NBDY: variants seen among roughly 807,000 people sequenced by gnomAD.
NBDY encodes negative regulator of P-body association, also known as P-body dissociating protein.
chrX:56,758,336 A>G (rs2069621763), intron 2 of NBDY, among the ~76,000 whole-genome samples: 1 of 109,515 alleles, frequency 9.1e-6, no homozygotes, highest in Non-Finnish European at 1.9e-5. Context: ...AAAAAAAAGA[A>G]AGAAAAAAAG....
intron 1 of NBDY, among the ~76,000 whole-genome samples, chrX:56,731,459 T>A (rs1255656878): frequency 9.4e-6 from 1 of 106,252 alleles, no homozygotes; most frequent in Non-Finnish European, 1.9e-5. Context: ...TAATCCCAGC[T>A]ACTCGGGACG....
At chrX:56,792,587 G>A (rs930352413) in intron 2 of NBDY, among the ~76,000 whole-genome samples, 4 of 110,233 alleles carry the variant, frequency 3.6e-5, no homozygotes, top group South Asian at 3.9e-4. Flanking sequence ...TGTCAAATAC[G>A]CCCAAGCAGA....
At chrX:56,737,262 C>G (rs1318971150) in intron 2 of NBDY, 2 of 1,054,982 alleles carry the variant, frequency 1.9e-6, no homozygotes, top group African/African-American at 3.7e-5. Context: ...GCCCATTCTT[C>G]TCTTTCTTTT....
At chrX:56,813,387 C>G (rs1458360151) in intron 2 of NBDY, among the ~76,000 whole-genome samples, 1 of 110,846 alleles carries the variant, frequency 9.0e-6, no homozygotes. Flanking sequence ...CAACAGCGAT[C>G]CACATTTCAG....
chrX:56,817,957 T>G lies in NBDY; in HGVS notation c.*804T>G, dbSNP rs1188798837. 9.0e-6 allele frequency: 1 copy of G among 111,408 alleles called. No homozygotes were observed. Among genetic ancestry groups the G allele is most frequent in the African/African-American group, 3.3e-5 (1 of 30,733 alleles). The allele number at this position is 111,408 out of a possible 1,213,427, so 9.2% of individuals were successfully genotyped here. A position where few individuals can be genotyped will look rare whatever the true frequency, so the allele number is the denominator to read the frequency against. On this transcript the variant is annotated 3_prime_UTR_variant, in exon 3 of 3. Transcript: ENST00000374922. ...TCTAAAATGCTTAGTATTGAACAAA[T>G]AGAATATCCTAATTAAAAACAGTAA...
intron 2 of NBDY, among the ~76,000 whole-genome samples, chrX:56,733,638 T>C (rs1425563863): frequency 1.8e-5 from 2 of 111,774 alleles, no homozygotes; most frequent in East Asian, 2.8e-4. Flanking sequence ...TGTAAAGTTA[T>C]AGGGCATCGC....
chrX:56,739,130 A>AG (rs1255038164), intron 2 of NBDY, among the ~76,000 whole-genome samples: 2 of 103,002 alleles, frequency 1.9e-5, no homozygotes, highest in Admixed American at 1.1e-4. Flanking sequence ...TGCCTTTGGG[A>AG]GAAAAAAAAA....
Position 56,790,900 on chromosome X carries a change from G to A in NBDY, c.*167-26420G>A, listed in dbSNP as rs1293092507. ...CCCAATATTTGCTGGCAGATCGTGCGGATGGGGTTGGGGTGGGCGCAGTGG... is the reference window on the plus strand; with the variant it reads ...CCCAATATTTGCTGGCAGATCGTGCAGATGGGGTTGGGGTGGGCGCAGTGG... On this transcript the variant is annotated intron_variant, in intron 2 of 2. Transcript: ENST00000374922. 2.9e-4 allele frequency among the ~76,000 whole-genome samples: 33 copies of A among 112,325 alleles called. No individual in the cohort carries two copies. The Admixed American group carries it at 3.0e-3, about 10-fold the overall frequency.
In NBDY at chrX:56,805,700, G is replaced by A. The variant is rs191396491; in HGVS notation, c.*167-11620G>A. ...CTTGGCTGATGGCTCTTCCTCCTCT[G>A]TGAGGCCACAGGAGGCCACTTGGGC... On this transcript the variant is annotated intron_variant, in intron 2 of 2. Coordinates refer to ENST00000374922, the MANE Select transcript of NBDY (RefSeq NM_001348129.2). 1.4e-3 allele frequency among the ~76,000 whole-genome samples: 154 copies of A among 112,020 alleles called. 1 individual carries two copies. Among genetic ancestry groups the A allele is most frequent in the African/African-American group, 4.7e-3 (146 of 30,841 alleles).
At chrX:56,735,587 G>A (rs1423209344) in intron 2 of NBDY, among the ~76,000 whole-genome samples, 5 of 111,357 alleles carry the variant, frequency 4.5e-5, no homozygotes, top group African/African-American at 1.3e-4. Flanking sequence ...CCACCCACCC[G>A]GCTCCCTACA....
intron 2 of NBDY, among the ~76,000 whole-genome samples, chrX:56,791,099 C>T (rs936199234): frequency 1.8e-5 from 2 of 112,539 alleles, no homozygotes; most frequent in African/African-American, 6.5e-5. Context: ...AGTTTGCTCT[C>T]AACCTCATTG....
intron 2 of NBDY, among the ~76,000 whole-genome samples, chrX:56,757,890 G>T (rs1218344252): frequency 9.0e-6 from 1 of 111,257 alleles, no homozygotes; most frequent in Non-Finnish European, 1.9e-5. Flanking sequence ...GGGGAGGTGT[G>T]TGTGGGTATT....
chrX:56,809,048 T>C (rs1284183841), intron 2 of NBDY, among the ~76,000 whole-genome samples: 6 of 112,610 alleles, frequency 5.3e-5, no homozygotes, highest in Non-Finnish European at 9.4e-5. Flanking sequence ...GGCTGTTCAG[T>C]TTTCATGTAG....
chrX:56,760,000 A>G (rs138689774), intron 2 of NBDY, among the ~76,000 whole-genome samples: 12 of 112,621 alleles, frequency 1.1e-4, no homozygotes, highest in Middle Eastern at 4.6e-3. Context: ...CTCGACCATC[A>G]GTGCCCAGTG....
chrX:56,751,116 T>G (rs1187323293), intron 2 of NBDY, among the ~76,000 whole-genome samples: 1 of 110,554 alleles, frequency 9.0e-6, no homozygotes, highest in African/African-American at 3.3e-5. Flanking sequence ...CTACACCTCA[T>G]CCCAAACTCA....
intron 2 of NBDY, among the ~76,000 whole-genome samples, chrX:56,787,953 G>A (rs745771533): frequency 8.9e-6 from 1 of 112,917 alleles, no homozygotes; most frequent in East Asian, 2.8e-4. Context: ...GTATAAGACA[G>A]CCGAGTGGCC....
intron 2 of NBDY, among the ~76,000 whole-genome samples, chrX:56,790,917 G>A (rs140857435): frequency 1.5e-3 from 163 of 112,269 alleles, no homozygotes; most frequent in African/African-American, 4.9e-3. Context: ...GTTGGGGTGG[G>A]CGCAGTGGGG....
At chrX:56,743,430 T>C (rs994827681) in intron 2 of NBDY, among the ~76,000 whole-genome samples, 3 of 111,196 alleles carry the variant, frequency 2.7e-5, no homozygotes, top group Non-Finnish European at 3.8e-5. Flanking sequence ...CCCAGGCTTT[T>C]CTTTACTGGG....
intron 2 of NBDY, among the ~76,000 whole-genome samples, chrX:56,758,291 G>A (rs963720932): frequency 2.0e-5 from 2 of 101,718 alleles, no homozygotes; most frequent in Admixed American, 1.1e-4. Flanking sequence ...ACTCCAGCCT[G>A]TGTGACAGAG....
Sources: gnomAD v4.1 joint callset for allele counts (sites outside exome capture counted in the v4.1 genomes callset) on GRCh38, gnomAD v4.1.1 for gene constraint, MANE v1.5 for transcripts, NCBI Gene and HGNC (gene_info 2026-07-23, HGNC 2026-07-21) for gene names.